RAB11FIP4: variants seen among roughly 807,000 people sequenced by gnomAD.
RAB11FIP4 encodes the protein rab11 family-interacting protein 4.
Under a neutral mutation model 74.3 loss-of-function variants are expected in RAB11FIP4, and 23 were observed. The ratio of observed to expected loss-of-function variants is 0.31; its 90% confidence interval spans 0.22 to 0.44. The LOEUF (loss-of-function observed/expected upper bound fraction) is 0.44. Ranked by LOEUF, RAB11FIP4 falls within the 20% of genes least tolerant of loss-of-function variation. The pLI is 1.00. For missense variants in RAB11FIP4, 630 were observed against 863.9 expected (o/e 0.73, Z 3.39); for synonymous variants, 360 against 359.9 (o/e 1.00, Z 0.00).
intron 3 of RAB11FIP4, among the ~76,000 whole-genome samples, chr17:31,452,454 G>T (rs1447824267): frequency 6.6e-6 from 1 of 152,154 alleles, no homozygotes; most frequent in Non-Finnish European, 1.5e-5. Flanking sequence ...CTGCAGCTGG[G>T]CTCTCTCGCT....
rs1276404706 is a variant in RAB11FIP4, at chr17:31,505,546, A to T, written c.337-12105A>T. 1.7e-4 allele frequency among the ~76,000 whole-genome samples: 15 copies of T among 88,972 alleles called. No individual in the cohort carries two copies. In the South Asian group the frequency reaches 3.5e-3, roughly 21 times the overall value. The allele number at this position is 88,972 out of a possible 152,430, so 58.4% of individuals were successfully genotyped here. On this transcript the variant is annotated intron_variant, in intron 3 of 14. Coordinates refer to ENST00000621161, the MANE Select transcript of RAB11FIP4 (RefSeq NM_032932.6). ...ATATTATATATAATTATTATATATTATATATAATAATAATTATAATATATA... is the reference window on the plus strand; with the variant it reads ...ATATTATATATAATTATTATATATTTTATATAATAATAATTATAATATATA...
chr17:31,533,013 T>A lies in RAB11FIP4; in HGVS notation c.*1281T>A, dbSNP rs906570542. On this transcript the variant is annotated 3_prime_UTR_variant, in exon 15 of 15. Coordinates refer to ENST00000621161, the MANE Select transcript of RAB11FIP4 (RefSeq NM_032932.6). ...AATTTTATATGGCTTGTGATTCATT[T>A]TCTTAATCCAAATATATATAAACGT... The A allele has an allele frequency of 2.0e-5, 3 of 152,236 alleles. No homozygotes were observed. The highest frequency in any genetic ancestry group is 7.2e-5 in the African/African-American group (3 of 41,464). 9.4% of individuals were successfully genotyped at this position (152,236 alleles called of 1,614,324 possible).
chr17:31,521,046 A>G, intron 4 of RAB11FIP4, 120 bp from the exon 5 acceptor site: 2 of 741,652 alleles, frequency 2.7e-6, no homozygotes, highest in Non-Finnish European at 2.2e-6. Flanking sequence ...TACCAGGTCA[A>G]GAGCTACAAA....
intron 13 of RAB11FIP4, among the ~76,000 whole-genome samples, chr17:31,529,159 C>G (rs886694729): frequency 6.7e-6 from 1 of 148,782 alleles, no homozygotes; most frequent in Non-Finnish European, 1.5e-5. Flanking sequence ...AGTGCTTTGG[C>G]ACTCCATAGC....
intron 3 of RAB11FIP4, among the ~76,000 whole-genome samples, chr17:31,506,442 G>T (rs561715661): frequency 1.3e-5 from 2 of 152,228 alleles, no homozygotes; most frequent in South Asian, 2.1e-4. Flanking sequence ...ACACATTGTT[G>T]TTAATTGTAG....
chr17:31,448,392 A>ATTTTTTTTTTTTTTCTTT (rs2071490124), intron 3 of RAB11FIP4: 1 of 79,832 alleles, frequency 1.3e-5, no homozygotes, highest in Non-Finnish European at 2.2e-5. Flanking sequence ...CATCCAGCTA[A>ATTTTTTTTTTTTTTCTTT]TTTTTTTTTT....
At chr17:31,528,157 C>T (rs560242101) in intron 11 of RAB11FIP4, among the ~76,000 whole-genome samples, 117 of 152,346 alleles carry the variant, frequency 7.7e-4, no homozygotes, top group Middle Eastern at 3.4e-3. Context: ...TTTGGGCTAA[C>T]ACCTTCAATT....
intron 1 of RAB11FIP4, among the ~76,000 whole-genome samples, chr17:31,404,039 A>G (rs2071020576): frequency 6.6e-6 from 1 of 152,188 alleles, no homozygotes; most frequent in Non-Finnish European, 1.5e-5. Flanking sequence ...AGAATTATGC[A>G]TCTGCGCCAC....
intron 3 of RAB11FIP4, among the ~76,000 whole-genome samples, chr17:31,492,076 A>C (rs1367766295): frequency 1.3e-5 from 2 of 152,066 alleles, no homozygotes; most frequent in Non-Finnish European, 2.9e-5. Context: ...TCGGGTAGGG[A>C]CAGGTCCTGC....
In RAB11FIP4 at chr17:31,487,459, CCT is replaced by C. The variant is rs1491291702; in HGVS notation, c.337-30191_337-30190del. 2.8e-4 allele frequency among the ~76,000 whole-genome samples: 41 copies of C among 145,014 alleles called. 1 individual carries two copies. Among genetic ancestry groups the C allele is most frequent in the Admixed American group, 2.7e-3 (39 of 14,626 alleles). On this transcript the variant is annotated intron_variant, in intron 3 of 14. Coordinates refer to ENST00000621161, the MANE Select transcript of RAB11FIP4 (RefSeq NM_032932.6). ...TAGCATTCAACAGGAAGGGTCCTCTCCTTTTTTTTTTTGGTTCTTTAGTTCTC... is the reference window on the plus strand; with the variant it reads ...TAGCATTCAACAGGAAGGGTCCTCTCTTTTTTTTTTGGTTCTTTAGTTCTC...
intron 1 of RAB11FIP4, chr17:31,392,273 G>T (rs1386520837): frequency 9.8e-6 from 3 of 307,504 alleles, no homozygotes; most frequent in African/African-American, 6.5e-5. Context: ...TTCCTTCCTC[G>T]GCCATGCAGG....
chr17:31,452,410 G>T (rs780218752), intron 3 of RAB11FIP4, among the ~76,000 whole-genome samples: 1 of 152,166 alleles, frequency 6.6e-6, no homozygotes, highest in Non-Finnish European at 1.5e-5. Context: ...TGCTCTGGGG[G>T]ATTAGAAAGG....
intron 7 of RAB11FIP4, 75 bp downstream of exon 7, chr17:31,522,470 A>G: frequency 6.9e-7 from 1 of 1,445,780 alleles, no homozygotes; most frequent in Non-Finnish European, 9.6e-7. Context: ...CCCTGCCAGC[A>G]GCCCGGACTC....
chr17:31,527,970 G>T, intron 11 of RAB11FIP4, 47 bp downstream of exon 11: 1 of 1,441,508 alleles, frequency 6.9e-7, no homozygotes, highest in Non-Finnish European at 9.5e-7. Context: ...GCCATCGGGA[G>T]CCTTTAGTTT....
At chr17:31,441,178 C>T (rs569791859) in intron 3 of RAB11FIP4, among the ~76,000 whole-genome samples, 18 of 152,190 alleles carry the variant, frequency 1.2e-4, no homozygotes, top group Non-Finnish European at 2.4e-4. Context: ...GTGCCCACCA[C>T]CATGCCCGGC....
At chr17:31,472,396 G>A (rs178895) in intron 3 of RAB11FIP4, among the ~76,000 whole-genome samples, 5,859 of 152,242 alleles carry the variant, frequency 0.038, 136 homozygotes, top group Middle Eastern at 0.068. Context: ...GGCCTTACGC[G>A]CTGAGTCATG....
chr17:31,411,225 G>A (rs1035800995), intron 1 of RAB11FIP4, among the ~76,000 whole-genome samples: 6 of 152,126 alleles, frequency 3.9e-5, no homozygotes, highest in Admixed American at 1.3e-4. Context: ...TTAGCCAGGC[G>A]TGATGGCGGG....
intron 1 of RAB11FIP4, among the ~76,000 whole-genome samples, chr17:31,429,105 T>C (rs1455804284): frequency 2.0e-5 from 3 of 152,110 alleles, no homozygotes; most frequent in African/African-American, 7.2e-5. Context: ...GAGAGGATTG[T>C]AGGTGTGAGC....
At chr17:31,435,123 C>T (rs1281097990) in intron 3 of RAB11FIP4, among the ~76,000 whole-genome samples, 1 of 152,168 alleles carries the variant, frequency 6.6e-6, no homozygotes, top group Non-Finnish European at 1.5e-5. Context: ...TAGTTTGAGA[C>T]TTCAGTGAGC....
Sources: allele counts gnomAD v4.1 joint callset (sites outside exome capture counted in the v4.1 genomes callset), GRCh38; gene constraint gnomAD v4.1.1; transcripts MANE v1.5; gene names NCBI Gene and HGNC (gene_info 2026-07-23, HGNC 2026-07-21).